The following RELN variants were observed in gnomAD, a reference collection of about 807,000 sequenced individuals.
The protein encoded by RELN is reelin.
In RELN, 108 loss-of-function variants were observed where a neutral mutation model predicts 427.6. The observed-to-expected ratio is 0.25, with a 90% CI of 0.22 to 0.30. The LOEUF is 0.30. Ranked by LOEUF, RELN falls within the 10% of genes least tolerant of loss-of-function variation. RELN has a pLI of 1.00. For synonymous variants in RELN, 1,524 were observed against 1,513.4 expected (o/e 1.01, Z -0.16); for missense variants, 3,715 against 4,302.8 (o/e 0.86, Z 3.82).
intron 43 of RELN, among the ~76,000 whole-genome samples, chr7:103,542,095 A>C (rs1270392780): frequency 6.6e-6 from 1 of 152,226 alleles, no homozygotes; most frequent in Non-Finnish European, 1.5e-5. Flanking sequence ...TCGGCCCATC[A>C]AATGATCAAG....
Position 103,669,555 on chromosome 7 carries a change from G to A in RELN, c.1290-8028C>T, listed in dbSNP as rs189020238. Among the ~76,000 whole-genome samples the A allele has an allele frequency of 2.5e-4, 38 of 152,070 alleles. No homozygotes were observed. In the East Asian group the frequency reaches 5.8e-3, roughly 23 times the overall value. ...GGTCACAAAGTTGTGGTCATTTCCT[G>A]TTACAAAAATTATATAGTTCCTGAC... is the stretch of plus-strand genomic sequence containing the variant. On this transcript the variant is annotated intron_variant, in intron 11 of 64. Coordinates refer to ENST00000428762, the MANE Select transcript of RELN (RefSeq NM_005045.4).
chr7:103,764,641 T>C lies in RELN; in HGVS notation c.545-11427A>G, dbSNP rs920335814. 4.0e-5 allele frequency among the ~76,000 whole-genome samples: 6 copies of C among 151,492 alleles called. No homozygotes were observed. In the South Asian group the frequency reaches 6.3e-4, roughly 16 times the overall value. On this transcript the variant is annotated intron_variant, in intron 4 of 64. Transcript: ENST00000428762. ...TCATGAGATCAAGAGATTGAGACCA[T>C]CCTGGCCAACATGGTGAAACCCCAT...
intron 3 of RELN, among the ~76,000 whole-genome samples, chr7:103,789,623 C>T (rs2116264822): frequency 6.6e-6 from 1 of 152,158 alleles, no homozygotes; most frequent in Middle Eastern, 3.4e-3. Context: ...CAAATCAAAA[C>T]CGCAATGAGA....
intron 8 of RELN, among the ~76,000 whole-genome samples, chr7:103,713,352 G>C (rs1316242245): frequency 6.6e-6 from 1 of 152,164 alleles, no homozygotes; most frequent in Non-Finnish European, 1.5e-5. Flanking sequence ...AGAACTCCCT[G>C]CTACAAACTA....
chr7:103,503,334 A>G (rs905233254), intron 51 of RELN, 104 bp from the exon 52 acceptor site: 4 of 871,704 alleles, frequency 4.6e-6, no homozygotes, highest in Non-Finnish European at 7.6e-6. Context: ...TATACACTGT[A>G]CCACATCCAT....
chr7:103,752,444 CTG>C (rs771635142), intron 5 of RELN, among the ~76,000 whole-genome samples: 50 of 152,170 alleles, frequency 3.3e-4, no homozygotes, highest in Non-Finnish European at 5.0e-4. Context: ...GGATCTTGCT[CTG>C]CTGCCCAGGT....
At chr7:103,748,512 C>A (rs192647801) in intron 6 of RELN, among the ~76,000 whole-genome samples, 1 of 152,278 alleles carries the variant, frequency 6.6e-6, no homozygotes, top group African/African-American at 2.4e-5. Context: ...GTATCACAAG[C>A]TTTTTAAAGA....
At chr7:103,821,264 T>G (rs1456232721) in intron 3 of RELN, among the ~76,000 whole-genome samples, 1 of 152,164 alleles carries the variant, frequency 6.6e-6, no homozygotes, top group Non-Finnish European at 1.5e-5. Context: ...GCACCTCTCC[T>G]TCGGCAGGAA....
At chr7:103,535,620 C>T (rs1830032294) in intron 45 of RELN, 136 bp from the exon 46 acceptor site, 1 of 749,152 alleles carries the variant, frequency 1.3e-6, no homozygotes, top group Non-Finnish European at 2.2e-6. Context: ...ATATTTCCTG[C>T]TTTGAAATGC....
intron 16 of RELN, among the ~76,000 whole-genome samples, chr7:103,641,163 C>T (rs536646831): frequency 1.3e-5 from 2 of 152,136 alleles, no homozygotes; most frequent in Non-Finnish European, 2.9e-5. Context: ...GACTCCAATA[C>T]ACTTAAATAT....
chr7:103,644,454 A>G (rs1262871663), intron 16 of RELN, among the ~76,000 whole-genome samples: 1 of 151,046 alleles, frequency 6.6e-6, no homozygotes, highest in Non-Finnish European at 1.5e-5. Context: ...AAACTTTTAG[A>G]AATGAAAAAT....
At position 103,496,553 on chromosome 7, in the gene RELN, T is replaced by C; in HGVS notation, c.9166A>G (p.Ser3056Gly). 6.2e-7 allele frequency: 1 copy of C among 1,614,150 alleles called. No individual in the cohort carries two copies. Among genetic ancestry groups the C allele is most frequent in the Non-Finnish European group, 8.5e-7 (1 of 1,180,010 alleles). The stretch of plus-strand genomic sequence containing the variant: ...TCATCAAAAGTGTCCACCAATTGGC[T>C]GGGATTGATTTCTGCTCCACCAATC... Reference protein sequence around the residue: ...ILIGGAEINPSQLVDTFDDEG... With the variant: ...ILIGGAEINPGQLVDTFDDEG... The change falls in exon 56 of 65, where the codon AGC becomes GGC. Residue 3056 changes from serine (S) to glycine (G), a missense_variant. By Grantham distance (56) the Ser-to-Gly change is moderately conservative (BLOSUM62 0). Around this residue, in one of 4 missense-constraint regions of RELN, gnomAD observed 1,310 missense variants for 1,643.0 expected, o/e 0.80. Coordinates refer to ENST00000428762, the MANE Select transcript of RELN (RefSeq NM_005045.4).
intron 2 of RELN, among the ~76,000 whole-genome samples, chr7:103,878,175 C>T (rs1186948761): frequency 1.3e-5 from 2 of 151,934 alleles, no homozygotes; most frequent in Non-Finnish European, 2.9e-5. Context: ...CTTTTTAAAA[C>T]ACCACTCTCT....
chr7:103,856,026 C>T (rs1332157257), intron 2 of RELN, among the ~76,000 whole-genome samples: 1 of 152,162 alleles, frequency 6.6e-6, no homozygotes, highest in Non-Finnish European at 1.5e-5. Flanking sequence ...ACCCAAGGAA[C>T]TGCAGTGTTC....
At chr7:103,553,630 T>G in intron 39 of RELN, 30 bp downstream of exon 39, 1 of 1,613,234 alleles carries the variant, frequency 6.2e-7, no homozygotes, top group Non-Finnish European at 8.5e-7. Flanking sequence ...TATACAGCAG[T>G]GGTTTTATTT....
chr7:103,541,208 A>G (rs553131409), intron 43 of RELN, among the ~76,000 whole-genome samples: 3 of 152,252 alleles, frequency 2.0e-5, no homozygotes, highest in African/African-American at 7.2e-5. Flanking sequence ...AGGTGGACAG[A>G]GTGGCAGCAA....
intron 6 of RELN, among the ~76,000 whole-genome samples, chr7:103,742,525 T>A (rs2116021454): frequency 6.6e-6 from 1 of 151,890 alleles, no homozygotes; most frequent in East Asian, 1.9e-4. Flanking sequence ...TGAAAAAAAA[T>A]CAGACGAATG....
At chr7:103,637,344 T>C (rs764929191) in intron 17 of RELN, among the ~76,000 whole-genome samples, 5 of 152,208 alleles carry the variant, frequency 3.3e-5, no homozygotes, top group Non-Finnish European at 5.9e-5. Flanking sequence ...CATGGGAGCA[T>C]TCAAAGCTTG....
At chr7:103,774,941 CA>C (rs1791701494) in intron 4 of RELN, among the ~76,000 whole-genome samples, 1 of 152,128 alleles carries the variant, frequency 6.6e-6, no homozygotes, top group South Asian at 2.1e-4. Flanking sequence ...CTATAGAAGG[CA>C]TTTTTCTTTT....
Sources: gnomAD v4.1 joint callset for allele counts (sites outside exome capture counted in the v4.1 genomes callset) on GRCh38, gnomAD v4.1.1 for gene constraint, gnomAD v4.1.1 regional missense constraint, MANE v1.5 for transcripts, NCBI Gene and HGNC (gene_info 2026-07-23, HGNC 2026-07-21) for gene names.